PCDHA6: variants seen among roughly 807,000 people sequenced by gnomAD.
PCDHA6 encodes the protein protocadherin alpha-6.
A neutral mutation model predicts 60.3 loss-of-function variants in PCDHA6; 55 were observed. That is an observed-to-expected ratio of 0.91 (90% confidence interval 0.73 to 1.14). PCDHA6 has a LOEUF of 1.14. Among genes scored for constraint, PCDHA6 ranks in the 50% most tolerant of loss-of-function variants. The pLI is 0.00. For missense variants in PCDHA6, 1,327 were observed against 1,256.5 expected, an observed-to-expected ratio of 1.06 and a Z score of -0.85; for synonymous variants, 652 against 557.9, an observed-to-expected ratio of 1.17 and a Z score of -2.38.
At chr5:140,917,650 T>C (rs897307157) in intron 1 of PCDHA6, among the ~76,000 whole-genome samples, 1 of 152,226 alleles carries the variant, frequency 6.6e-6, no homozygotes. Context: ...CCAGCAATAT[T>C]GAGTAGGAAG....
At chr5:140,832,794 G>C (rs1057104170) in intron 1 of PCDHA6, among the ~76,000 whole-genome samples, 10 of 152,192 alleles carry the variant, frequency 6.6e-5, no homozygotes, top group Admixed American at 4.6e-4. Context: ...GTACATCATA[G>C]TGTTATTGGA....
intron 1 of PCDHA6, chr5:140,851,252 G>A: frequency 9.2e-7 from 1 of 1,089,164 alleles, no homozygotes; most frequent in Non-Finnish European, 1.2e-6. Flanking sequence ...ATGATGCATA[G>A]TATTTTAGTC....
chr5:140,869,883 T>G, intron 1 of PCDHA6: 1 of 1,610,444 alleles, frequency 6.2e-7, no homozygotes, highest in Admixed American at 1.7e-5. Context: ...AAGAAACTCT[T>G]GTGCTCAAAC....
At chr5:140,956,281 G>A (rs551518322) in intron 1 of PCDHA6, among the ~76,000 whole-genome samples, 14 of 152,008 alleles carry the variant, frequency 9.2e-5, no homozygotes, top group Admixed American at 2.0e-4. Flanking sequence ...ATTGGCTGTG[G>A]GTTTATCATA....
chr5:141,009,634 G>A lies in PCDHA6; in HGVS notation c.2550G>A (p.Glu850=). The change falls in exon 4 of 4, where the codon GAG becomes GAA. Residue 850 remains glutamate (E), a synonymous_variant. Transcript: ENST00000529310. Reference sequence around the variant, plus strand: ...TAATGTTTTGTCTTTCAGAACCAGAGGCAGGAGAAGTGTCCCCTCCAGTCG... The same window carrying A: ...TAATGTTTTGTCTTTCAGAACCAGAAGCAGGAGAAGTGTCCCCTCCAGTCG... The part of the protein sequence containing the change: ...PTVSSATPEP[E]AGEVSPPVGA... The A allele has an allele frequency of 6.2e-7, 1 of 1,613,116 alleles. No individual in the cohort carries two copies. The highest frequency in any genetic ancestry group is 8.5e-7 in the Non-Finnish European group (1 of 1,179,406).
Position 140,978,986 on chromosome 5 carries a change from C to A in PCDHA6, c.2432C>A (p.Ser811Tyr). The change falls in exon 2 of 4, where the codon TCC becomes TAC. Residue 811 changes from serine (S) to tyrosine (Y), a missense_variant. Ser to Tyr is a moderately radical substitution (Grantham distance 144). Coordinates refer to ENST00000529310, the MANE Select transcript of PCDHA6 (RefSeq NM_018909.4). ...AACCCTGACTGGCGTTACTCTGCCT[C>A]CCTGAGAGCAGGCATGCACAGGTAT... ...QPNPDWRYSA[S>Y]LRAGMHSSVH... is the part of the protein sequence containing the mutation. The A allele has an allele frequency of 6.2e-7, 1 of 1,614,190 alleles. No homozygotes were observed. The highest frequency in any genetic ancestry group is 1.7e-5 in the Admixed American group (1 of 60,026).
At chr5:140,857,947 G>T (rs782434773) in intron 1 of PCDHA6, 1 of 1,597,414 alleles carries the variant, frequency 6.3e-7, no homozygotes, top group East Asian at 2.2e-5. Flanking sequence ...TCAGTACGAC[G>T]CGCGCTCTGG....
chr5:140,854,084 C>G (rs2150307258), intron 1 of PCDHA6: 2 of 266,726 alleles, frequency 7.5e-6, no homozygotes, highest in East Asian at 3.6e-4. Context: ...ATCGCTTGAG[C>G]CTGGGACATT....
chr5:140,841,236 G>A (rs1171503163), intron 1 of PCDHA6: 2 of 1,481,194 alleles, frequency 1.4e-6, no homozygotes, highest in East Asian at 2.3e-5. Flanking sequence ...GGGAGATGCA[G>A]CGGAATTGGA....
intron 1 of PCDHA6, chr5:140,857,912 C>A: frequency 1.3e-6 from 2 of 1,597,766 alleles, no homozygotes; most frequent in African/African-American, 1.3e-5. Flanking sequence ...CATCCCGTTT[C>A]GCGTGGGGCT....
intron 3 of PCDHA6, among the ~76,000 whole-genome samples, chr5:141,008,546 A>G (rs2098381708): frequency 6.6e-6 from 1 of 150,382 alleles, no homozygotes; most frequent in Non-Finnish European, 1.5e-5. Flanking sequence ...TTTATTGAAA[A>G]CTCCTGTGGA....
chr5:140,885,611 A>G (rs1422835119), intron 1 of PCDHA6, among the ~76,000 whole-genome samples: 5 of 152,216 alleles, frequency 3.3e-5, no homozygotes, highest in Non-Finnish European at 4.4e-5. Flanking sequence ...AATTTTAATT[A>G]TAAAATATGT....
chr5:140,992,226 G>A lies in PCDHA6; in HGVS notation c.2542+9663G>A, dbSNP rs926605843. On this transcript the variant is annotated intron_variant, in intron 3 of 3. Coordinates refer to ENST00000529310, the MANE Select transcript of PCDHA6 (RefSeq NM_018909.4). The stretch of plus-strand genomic sequence containing the variant: ...CAGATAAACTACTCTCCCTTCCTGG[G>A]AAGAGTAAGGAAGGAAGTAGAGCTA... Among the ~76,000 whole-genome samples the A allele has an allele frequency of 5.3e-5, 8 of 152,256 alleles. No individual in the cohort carries two copies. The East Asian group carries it at 1.5e-3, about 29-fold the overall frequency.
At chr5:140,974,151 G>A (rs2096617637) in intron 1 of PCDHA6, among the ~76,000 whole-genome samples, 1 of 152,118 alleles carries the variant, frequency 6.6e-6, no homozygotes, top group Non-Finnish European at 1.5e-5. Context: ...ACTATACAAG[G>A]GTTTTTCTTT....
chr5:140,899,541 T>C (rs1469690137), intron 1 of PCDHA6, among the ~76,000 whole-genome samples: 2 of 152,210 alleles, frequency 1.3e-5, no homozygotes, highest in South Asian at 2.1e-4. Context: ...CACTTGATCA[T>C]GGTGGATAAG....
At chr5:140,852,756 G>A in intron 1 of PCDHA6, 1 of 983,910 alleles carries the variant, frequency 1.0e-6, no homozygotes, top group Non-Finnish European at 1.2e-6. Context: ...CTTGGACCCA[G>A]GTATCTGATT....
intron 1 of PCDHA6, chr5:140,877,590 G>T: frequency 1.2e-6 from 2 of 1,613,826 alleles, no homozygotes; most frequent in Non-Finnish European, 1.7e-6. Flanking sequence ...CCATCTGTGC[G>T]GTGTCCAGCC....
chr5:140,882,582 A>G (rs1554174663), intron 1 of PCDHA6: 1 of 1,614,114 alleles, frequency 6.2e-7, no homozygotes, highest in East Asian at 2.2e-5. Context: ...TGCAGCATCC[A>G]CCTGGAGGTG....
chr5:140,901,917 T>C (rs776284320), intron 1 of PCDHA6, among the ~76,000 whole-genome samples: 15 of 152,090 alleles, frequency 9.9e-5, no homozygotes, highest in Admixed American at 4.6e-4. Context: ...ATCTTTCACT[T>C]CTTTGGTTAA....
Sources: allele counts gnomAD v4.1 joint callset (sites outside exome capture counted in the v4.1 genomes callset), GRCh38; gene constraint gnomAD v4.1.1; transcripts MANE v1.5; gene names NCBI Gene and HGNC (gene_info 2026-07-23, HGNC 2026-07-21).